ALG8: variants seen among roughly 807,000 people sequenced by gnomAD.
ALG8 encodes the protein dolichyl pyrophosphate Glc1Man9GlcNAc2 alpha-1,3-glucosyltransferase.
Under a neutral mutation model 70.2 loss-of-function variants are expected in ALG8, and 48 were observed. The ratio of observed to expected loss-of-function variants is 0.68; its 90% CI spans 0.54 to 0.87. The LOEUF (loss-of-function observed/expected upper bound fraction) is 0.87. ALG8 is among the 40% of genes least tolerant of loss of function. The pLI is 0.00. For missense variants in ALG8, 572 were observed against 608.7 expected (o/e 0.94, Z 0.64); for synonymous variants, 234 against 229.0 (o/e 1.02, Z -0.20).
chr11:78,122,920 G>A (rs1860888048), intron 3 of ALG8, among the ~76,000 whole-genome samples: 1 of 152,086 alleles, frequency 6.6e-6, no homozygotes, highest in South Asian at 2.1e-4. Context: ...CAGTGTAGAG[G>A]GCCTCACAAA....
Position 78,104,447 on chromosome 11 carries a change from C to T in ALG8, c.1185G>A (p.Leu395=), listed in dbSNP as rs1314899289. The T allele has an allele frequency of 1.3e-6, 2 of 1,581,736 alleles. No individual in the cohort carries two copies. Among genetic ancestry groups the T allele is most frequent in the Non-Finnish European group, 1.7e-6 (2 of 1,163,066 alleles). The stretch of plus-strand genomic sequence containing the variant: ...AAGCGTCTCCTGCTTTTCCCACAGA[C>T]AAAAGGCTAAAAATAAAAATAATTT... ...ILLAILPMSL[L]SVGKAGDASI... is the part of the protein sequence containing the mutation. The change falls in exon 11 of 13, where the codon TTG becomes TTA. Residue 395 remains leucine, a synonymous_variant. Transcript: ENST00000299626.
At chr11:78,123,281 C>T (rs1429848210) in intron 3 of ALG8, among the ~76,000 whole-genome samples, 4 of 121,662 alleles carry the variant, frequency 3.3e-5, no homozygotes, top group South Asian at 2.7e-4. Context: ...CTAGCCTGGG[C>T]GACAGAGCAA....
rs147834106 is a variant in ALG8, at chr11:78,106,465, G to A, written c.1178+342C>T. ...GCCCGCCTTGGCCTCCCTAAGTGCT[G>A]GGATTACAGGCGTGAGCTACCGCGC... On this transcript the variant is annotated intron_variant, in intron 10 of 12. Transcript: ENST00000299626. 1.9e-3 allele frequency among the ~76,000 whole-genome samples: 292 copies of A among 152,332 alleles called. 2 individuals are homozygous for A. The highest frequency in any genetic ancestry group is 6.8e-3 in the African/African-American group (283 of 41,576).
chr11:78,139,450 C>A (rs950077314), intron 1 of ALG8, 44 bp downstream of exon 1: 1 of 1,544,468 alleles, frequency 6.5e-7, no homozygotes. Context: ...CCTGACCGAC[C>A]GCGGGGCCTC....
chr11:78,112,623 C>T lies in ALG8; in HGVS notation c.898+27G>A, dbSNP rs751924907. The T allele has an allele frequency of 6.8e-6, 11 of 1,612,146 alleles. No individual in the cohort carries two copies. The African/African-American group carries it at 1.5e-4, about 22-fold the overall frequency. On this transcript the variant is annotated intron_variant, in intron 8 of 12. Coordinates refer to ENST00000299626, the MANE Select transcript of ALG8 (RefSeq NM_024079.5). ...CCTAAGTCCTTTCAATATTCAGAGT[C>T]TGAGTAAAAAATGCTCGCTACCATA...
intron 1 of ALG8, chr11:78,137,292 G>A (rs1861595269): frequency 6.6e-6 from 1 of 152,214 alleles, no homozygotes; most frequent in African/African-American, 2.4e-5. Context: ...TCTGGATAAG[G>A]TTTTGGCTTA....
At chr11:78,109,332 C>T in intron 9 of ALG8, 110 bp downstream of exon 9, 1 of 1,415,010 alleles carries the variant, frequency 7.1e-7, no homozygotes. Flanking sequence ...GGATTACAGG[C>T]ATGAAATTTA....
chr11:78,106,505 T>G (rs943805149), intron 10 of ALG8, among the ~76,000 whole-genome samples: 2 of 151,994 alleles, frequency 1.3e-5, no homozygotes, highest in Non-Finnish European at 2.9e-5. Context: ...CCAGCCCAGG[T>G]TTTTTCTATA....
At position 78,107,051 on chromosome 11, in the gene ALG8, T is replaced by C. The variant is rs574679647; in HGVS notation, c.1039-105A>G. The C allele has an allele frequency of 4.3e-5, 58 of 1,338,390 alleles. No individual in the cohort carries two copies. The African/African-American group carries it at 7.7e-4, about 18-fold the overall frequency. The allele number at this position is 1,338,390 out of a possible 1,614,324, so 82.9% of individuals were successfully genotyped here. On this transcript the variant is annotated intron_variant, in intron 9 of 12. Coordinates refer to ENST00000299626, the MANE Select transcript of ALG8 (RefSeq NM_024079.5). Reference sequence around the variant, plus strand: ...TGCATCATCTCTGAAAGACAGCCAATCTTAGACAATTCTTCATGAAACCGA... The same window carrying C: ...TGCATCATCTCTGAAAGACAGCCAACCTTAGACAATTCTTCATGAAACCGA...
chr11:78,112,958 T>C (rs1374439891), intron 7 of ALG8, among the ~76,000 whole-genome samples, 188 bp from the exon 8 acceptor site: 1 of 152,244 alleles, frequency 6.6e-6, no homozygotes, highest in Non-Finnish European at 1.5e-5. Flanking sequence ...CTTTGTCCAC[T>C]GTCCAGTGGG....
intron 3 of ALG8, 56 bp downstream of exon 3, chr11:78,123,965 A>T: frequency 6.4e-7 from 1 of 1,565,760 alleles, no homozygotes. Flanking sequence ...AATACTACTT[A>T]ACACTGTACT....
At chr11:78,127,232 C>T (rs1861120390) in intron 2 of ALG8, 126 bp downstream of exon 2, 1 of 834,044 alleles carries the variant, frequency 1.2e-6, no homozygotes, top group South Asian at 1.6e-5. Context: ...CCGCCTTGGC[C>T]TCCCAAAGTG....
At chr11:78,126,076 G>A (rs910781341) in intron 2 of ALG8, among the ~76,000 whole-genome samples, 2 of 150,652 alleles carry the variant, frequency 1.3e-5, no homozygotes, top group Admixed American at 6.6e-5. Context: ...GGAGAATGGC[G>A]TGAACCTGGG....
intron 1 of ALG8, among the ~76,000 whole-genome samples, chr11:78,132,232 T>C (rs1029247670): frequency 6.6e-6 from 1 of 152,206 alleles, no homozygotes; most frequent in African/African-American, 2.4e-5. Context: ...AACCACCAAA[T>C]ACTTCCAAAG....
Position 78,101,127 on chromosome 11 carries a change from C to T in ALG8, c.1418G>A (p.Cys473Tyr), listed in dbSNP as rs1859777388. ...YLLGLGPLEV[C>Y]CEFVFPFTSW... ...GGTGAAAGGGAATACAAATTCACAGCAGACTTCCAGAGGCCCCAGGCCAAG... is the reference window on the plus strand; with the variant it reads ...GGTGAAAGGGAATACAAATTCACAGTAGACTTCCAGAGGCCCCAGGCCAAG... Residue 473 changes from cysteine (C) to tyrosine (Y), a missense_variant, in exon 13 of 13, where the codon TGC becomes TAC. Transcript: ENST00000299626. The T allele has an allele frequency of 6.2e-7, 1 of 1,614,094 alleles. No homozygotes were observed. The highest frequency in any genetic ancestry group is 1.3e-5 in the African/African-American group (1 of 74,934).
At chr11:78,125,682 C>T (rs1861036857) in intron 2 of ALG8, among the ~76,000 whole-genome samples, 1 of 151,638 alleles carries the variant, frequency 6.6e-6, no homozygotes, top group South Asian at 2.1e-4. Context: ...GAGGCTAAGG[C>T]AGGAGAATCG....
intron 4 of ALG8, among the ~76,000 whole-genome samples, chr11:78,120,197 T>C (rs1196993857): frequency 2.6e-5 from 4 of 152,056 alleles, no homozygotes; most frequent in African/African-American, 7.2e-5. Flanking sequence ...AAAAACAAAT[T>C]TATGTTTAAG....
intron 8 of ALG8, 107 bp from the exon 9 acceptor site, chr11:78,109,688 T>C (rs1590810926): frequency 9.0e-7 from 1 of 1,116,802 alleles, no homozygotes. Flanking sequence ...CTAAATCTTA[T>C]TGCTGCTTAA....
At chr11:78,133,896 G>A (rs1456554628) in intron 1 of ALG8, among the ~76,000 whole-genome samples, 6 of 140,528 alleles carry the variant, frequency 4.3e-5, no homozygotes, top group East Asian at 2.2e-4. Context: ...GCGAGACTCC[G>A]TCTCAAAAAA....
Sources: allele counts gnomAD v4.1 joint callset (sites outside exome capture counted in the v4.1 genomes callset), GRCh38; gene constraint gnomAD v4.1.1; transcripts MANE v1.5; gene names NCBI Gene and HGNC (gene_info 2026-07-23, HGNC 2026-07-21).